ELAC2: variants seen among roughly 807,000 people sequenced by gnomAD.
ELAC2 encodes the protein elaC ribonuclease Z 2.
A neutral mutation model predicts 105.2 loss-of-function variants in ELAC2; 92 were observed. The ratio of observed to expected loss-of-function variants is 0.87; its 90% CI spans 0.74 to 1.04. The LOEUF (loss-of-function observed/expected upper bound fraction) is 1.04. ELAC2 is among the 50% of genes least tolerant of loss of function. ELAC2 has a pLI of 0.00. For synonymous variants in ELAC2, 468 were observed against 409.1 expected (o/e 1.14, Z -1.74); for missense variants, 1,099 against 1,071.7 (o/e 1.03, Z -0.36).
chr17:13,013,426 AT>A, intron 5 of ELAC2, 151 bp from the exon 6 acceptor site: 1 of 832,978 alleles, frequency 1.2e-6, no homozygotes, highest in Non-Finnish European at 2.0e-6. Flanking sequence ...GGAGATTACC[AT>A]TTTTAGGAAA....
At chr17:13,006,797 C>G (rs929106888) in intron 8 of ELAC2, among the ~76,000 whole-genome samples, 1 of 152,136 alleles carries the variant, frequency 6.6e-6, no homozygotes, top group East Asian at 1.9e-4. Context: ...TATAATGTCA[C>G]TGCTTTTATC....
In ELAC2 at chr17:13,017,735, G is replaced by A; in HGVS notation, c.213C>T (p.Gly71=). ...ACTCGGAGAAGACGTAGAGCGCGGC[G>A]CCCGAGTCCCGGCTACCCGCTGCCA... ...QVVAAGSRDS[G]AALYVFSEFN... The change falls in exon 1 of 24, where the codon GGC becomes GGT. Residue 71 remains glycine, a synonymous_variant. Transcript: ENST00000338034. 6.2e-7 allele frequency: 1 copy of A among 1,612,282 alleles called. No individual in the cohort carries two copies. Among genetic ancestry groups the A allele is most frequent in the South Asian group, 1.1e-5 (1 of 90,960 alleles).
chr17:12,992,847 G>A lies in ELAC2; in HGVS notation c.2452C>T (p.Pro818Ser). ...PQQKRAHTEE[P>S]QAKKVRAQ Reference sequence around the variant, plus strand: ...TGGGCTCTGACCTTCTTGGCCTGTGGCTCCTCTGTGTGGGCCCGCTTCTGC... The same window carrying A: ...TGGGCTCTGACCTTCTTGGCCTGTGACTCCTCTGTGTGGGCCCGCTTCTGC... The change falls in exon 24 of 24, where the codon CCA (proline) becomes TCA (serine). Residue 818 changes from proline to serine, a missense_variant. Physicochemically the swap from Pro to Ser is moderately conservative, Grantham distance 74. Transcript: ENST00000338034. The A allele has an allele frequency of 6.2e-7, 1 of 1,610,160 alleles. No individual in the cohort carries two copies. Among genetic ancestry groups the A allele is most frequent in the Non-Finnish European group, 8.5e-7 (1 of 1,177,226 alleles).
chr17:12,999,947 G>A (rs1016146001), intron 15 of ELAC2, among the ~76,000 whole-genome samples: 3 of 152,266 alleles, frequency 2.0e-5, no homozygotes, highest in African/African-American at 7.2e-5. Context: ...GTGAGCCACC[G>A]CGCCCAGCCA....
chr17:13,000,070 CCCACCAGCACT>C, intron 15 of ELAC2, 75 bp downstream of exon 15: 3 of 1,269,792 alleles, frequency 2.4e-6, no homozygotes, highest in Non-Finnish European at 3.4e-6. Context: ...TAGAATGCGC[CCCACCAGCACT>C]CCACTTAATG....
At chr17:12,993,596 A>G in intron 23 of ELAC2, 91 bp downstream of exon 23, 1 of 1,590,794 alleles carries the variant, frequency 6.3e-7, no homozygotes, top group Non-Finnish European at 8.6e-7. Flanking sequence ...CCAAATAAGA[A>G]AGCAAACTCC....
At chr17:13,004,121 C>G (rs190271207) in intron 11 of ELAC2, 1 of 165,278 alleles carries the variant, frequency 6.1e-6, no homozygotes, top group African/African-American at 2.4e-5. Context: ...GAAATATACA[C>G]AGTAGCTATT....
chr17:13,013,364 G>T, intron 5 of ELAC2, 89 bp from the exon 6 acceptor site: 1 of 1,369,308 alleles, frequency 7.3e-7, no homozygotes, highest in Non-Finnish European at 1.0e-6. Context: ...ACGAGCAACT[G>T]AATTGCCTCA....
intron 10 of ELAC2, 111 bp downstream of exon 10, chr17:13,005,642 C>CT (rs2041058374): frequency 1.8e-6 from 2 of 1,095,648 alleles, no homozygotes; most frequent in Admixed American, 1.7e-5. Flanking sequence ...GATGTCCAAA[C>CT]TGTTCCACGT....
At chr17:12,995,115 G>A in intron 19 of ELAC2, 53 bp from the exon 20 acceptor site, 2 of 1,589,022 alleles carry the variant, frequency 1.3e-6, no homozygotes, top group Non-Finnish European at 1.7e-6. Flanking sequence ...TGGACATCTG[G>A]AACCAAAGTT....
chr17:12,995,293 G>A (rs1290910092), intron 19 of ELAC2, among the ~76,000 whole-genome samples: 1 of 152,304 alleles, frequency 6.6e-6, no homozygotes, highest in East Asian at 1.9e-4. Context: ...CAGGCAGCAC[G>A]GGCCACGGAT....
intron 7 of ELAC2, among the ~76,000 whole-genome samples, chr17:13,010,968 T>C (rs945940181): frequency 2.0e-5 from 3 of 152,102 alleles, no homozygotes; most frequent in Non-Finnish European, 4.4e-5. Flanking sequence ...CAGAGAAAAA[T>C]ATATTGTAAT....
intron 8 of ELAC2, among the ~76,000 whole-genome samples, chr17:13,009,744 A>G (rs76487159): frequency 0.28 from 41,899 of 152,158 alleles, 5,948 homozygotes; most frequent in Middle Eastern, 0.33. Flanking sequence ...TAATCCCAGC[A>G]TTTTGGGAGG....
intron 2 of ELAC2, 26 bp downstream of exon 2, chr17:13,017,045 C>G: frequency 6.2e-7 from 1 of 1,613,946 alleles, no homozygotes; most frequent in Non-Finnish European, 8.5e-7. Flanking sequence ...ATCAACTCCC[C>G]CTCCGAAAGC....
rs1272032490 is a variant in ELAC2 at position 13,016,883 on chromosome 17, A to C, written c.346T>G (p.Ser116Ala). The C allele has an allele frequency of 6.2e-7, 1 of 1,614,144 alleles. No homozygotes were observed. Among genetic ancestry groups the C allele is most frequent in the Admixed American group, 1.7e-5 (1 of 60,018 alleles). ...TCACCACTTAAGCCCCCAACATTAG[A>C]CCAGTGCATTCGTGTCAGGAATATG... The part of the protein sequence containing the change: ...DNIFLTRMHW[S>A]NVGGLSGMIL... Residue 116 changes from serine (S) to alanine (A), a missense_variant, in exon 3 of 24, where the codon TCT (serine) becomes GCT (alanine). By Grantham distance (99) the Ser-to-Ala change is moderately conservative. Transcript: ENST00000338034.
intron 1 of ELAC2, chr17:13,017,454 C>T: frequency 1.3e-6 from 1 of 759,100 alleles, no homozygotes; most frequent in Non-Finnish European, 2.1e-6. Flanking sequence ...AAAGTGCTGA[C>T]AGCCAGGCCG....
At chr17:13,015,444 T>C (rs1250066374) in intron 4 of ELAC2, among the ~76,000 whole-genome samples, 1 of 152,242 alleles carries the variant, frequency 6.6e-6, no homozygotes, top group Non-Finnish European at 1.5e-5. Flanking sequence ...TGCCCTTTCT[T>C]GTGTGCCTAC....
chr17:12,991,778 T>G lies in ELAC2; in HGVS notation c.*1040A>C, dbSNP rs1567733815. On this transcript the variant is annotated 3_prime_UTR_variant, in exon 24 of 24. Coordinates refer to ENST00000338034, the MANE Select transcript of ELAC2 (RefSeq NM_018127.7). Reference sequence around the variant, plus strand: ...GGCTGATCTCTCGCTTGCTTGTCTTTTGAGTTTTTAAAGCTCTTCTTTTTA... The same window carrying G: ...GGCTGATCTCTCGCTTGCTTGTCTTGTGAGTTTTTAAAGCTCTTCTTTTTA... 1 of 213,764 alleles carries G rather than the reference T, an allele frequency of 4.7e-6. No homozygotes were observed. The highest frequency in any genetic ancestry group is 6.9e-5 in the East Asian group (1 of 14,544). The allele number at this position is 213,764 out of a possible 1,614,324, so 13.2% of individuals were successfully genotyped here. A position where few individuals can be genotyped will look rare whatever the true frequency, so the allele number is the denominator to read the frequency against.
chr17:13,000,043 A>G (rs1598215970), intron 15 of ELAC2, 113 bp downstream of exon 15: 1 of 914,604 alleles, frequency 1.1e-6, no homozygotes, highest in East Asian at 2.4e-5. Context: ...GCCCTGGATT[A>G]GACTGAAAAG....
Sources: gnomAD v4.1 joint callset for allele counts (sites outside exome capture counted in the v4.1 genomes callset) on GRCh38, gnomAD v4.1.1 for gene constraint, MANE v1.5 for transcripts, NCBI Gene and HGNC (gene_info 2026-07-23, HGNC 2026-07-21) for gene names.